The following CUX1 variants were observed in gnomAD, a reference collection of about 807,000 sequenced individuals.
The protein encoded by CUX1 is cut like homeobox 1, also known as protein CASP.
A neutral mutation model predicts 158.8 loss-of-function variants in CUX1; 31 were observed. That is an observed-to-expected ratio of 0.20 (90% CI 0.15 to 0.26). The LOEUF is 0.26. Ranked by LOEUF, CUX1 falls within the 10% of genes least tolerant of loss-of-function variation. The pLI is 1.00. For synonymous variants in CUX1, 879 were observed against 862.1 expected (o/e 1.02, Z -0.34); for missense variants, 1,589 against 2,014.6 (o/e 0.79, Z 4.04).
intron 1 of CUX1, among the ~76,000 whole-genome samples, chr7:101,859,248 A>G (rs1020676967): frequency 6.6e-6 from 1 of 152,184 alleles, no homozygotes; most frequent in African/African-American, 2.4e-5. Flanking sequence ...GCTGGGGGAG[A>G]GGCGGCTTAT....
At chr7:102,180,290 G>A (rs946055013) in intron 11 of CUX1, among the ~76,000 whole-genome samples, 1 of 151,440 alleles carries the variant, frequency 6.6e-6, no homozygotes, top group African/African-American at 2.4e-5. Flanking sequence ...CCAAAGTGCT[G>A]GGATTACAGG....
At chr7:102,064,382 A>C (rs1353103563) in intron 3 of CUX1, among the ~76,000 whole-genome samples, 1 of 152,202 alleles carries the variant, frequency 6.6e-6, no homozygotes, top group Non-Finnish European at 1.5e-5. Flanking sequence ...ACCTACCTCA[A>C]GCTAACGTGC....
chr7:102,248,397 C>T lies in CUX1; in HGVS notation c.3888-15C>T. 4.4e-6 allele frequency: 7 copies of T among 1,580,982 alleles called. No individual in the cohort carries two copies. Among genetic ancestry groups the T allele is most frequent in the Non-Finnish European group, 6.0e-6 (7 of 1,169,694 alleles). ...CAGCACCCCCCTCACGTCCCCGCCG[C>T]TTGTTGTCTTGTAGGTCTCGGATCC... On this transcript the variant is annotated splice_polypyrimidine_tract_variant and intron_variant, in intron 23 of 23. Coordinates refer to ENST00000292535, the MANE Select transcript of CUX1 (RefSeq NM_181552.4). This position sits in a 1 kb window ranked among gnomAD's most constrained non-coding sequence, Gnocchi z 5.8.
intron 2 of CUX1, among the ~76,000 whole-genome samples, chr7:102,016,591 G>A (rs753666260): frequency 1.3e-5 from 2 of 152,154 alleles, no homozygotes; most frequent in East Asian, 1.9e-4. Flanking sequence ...CAGCCTGGAC[G>A]ACAGAGCGAG....
At chr7:102,039,715 C>G (rs1459981400) in intron 3 of CUX1, among the ~76,000 whole-genome samples, 1 of 151,468 alleles carries the variant, frequency 6.6e-6, no homozygotes, top group African/African-American at 2.4e-5. Context: ...GCTCTGCAAA[C>G]CCTGCCTGAA....
At position 102,255,996 on chromosome 7, in the gene CUX1, T is replaced by G. The variant is rs1419540769; in HGVS notation, c.*6954T>G. On this transcript the variant is annotated 3_prime_UTR_variant, in exon 24 of 24. Transcript: ENST00000292535. The stretch of plus-strand genomic sequence containing the variant: ...AGCTTTAGACCAGGACGATTCAGGT[T>G]ATGAATGAGTTTGTTCACTGTAGTT... The G allele has an allele frequency of 1.0e-6, 1 of 985,468 alleles. No homozygotes were observed. Among genetic ancestry groups the G allele is most frequent in the East Asian group, 1.1e-4 (1 of 8,820 alleles). The allele number at this position is 985,468 out of a possible 1,614,324, so 61.0% of individuals were successfully genotyped here. A position where few individuals can be genotyped will look rare whatever the true frequency, so the allele number is the denominator to read the frequency against.
chr7:102,256,113 A>G lies in CUX1; in HGVS notation c.*7071A>G, dbSNP rs1789866829. On this transcript the variant is annotated 3_prime_UTR_variant, in exon 24 of 24. Transcript: ENST00000292535. The stretch of plus-strand genomic sequence containing the variant: ...TTGGTGACCACTGTGCTGGGCGTGC[A>G]GGGCCCGCGGGCTCTGGCCGGAGCC... 5 of 985,264 alleles carry G rather than the reference A, an allele frequency of 5.1e-6. No individual in the cohort carries two copies. Among genetic ancestry groups the G allele is most frequent in the Non-Finnish European group, 6.0e-6 (5 of 829,944 alleles). 61.0% of individuals were successfully genotyped at this position (985,264 alleles called of 1,614,324 possible). A position where few individuals can be genotyped will look rare whatever the true frequency, so the allele number is the denominator to read the frequency against.
At chr7:101,904,810 C>T (rs777782140) in intron 1 of CUX1, among the ~76,000 whole-genome samples, 14 of 152,142 alleles carry the variant, frequency 9.2e-5, no homozygotes, top group Non-Finnish European at 1.8e-4. Flanking sequence ...CTCAGGTGAT[C>T]CCCCTGCCTT....
Position 102,255,916 on chromosome 7 carries a change from C to A in CUX1, c.*6874C>A. The A allele has an allele frequency of 1.0e-6, 1 of 985,308 alleles. No individual in the cohort carries two copies. Among genetic ancestry groups the A allele is most frequent in the Non-Finnish European group, 1.2e-6 (1 of 829,864 alleles). 61.0% of individuals were successfully genotyped at this position (985,308 alleles called of 1,614,324 possible). A position where few individuals can be genotyped will look rare whatever the true frequency, so the allele number is the denominator to read the frequency against. ...TGTAAAAGCTCTGTGCAATTGAAAT[C>A]ATTTTTCTTCATTTTAAAAAAATAA... On this transcript the variant is annotated 3_prime_UTR_variant, in exon 24 of 24. Coordinates refer to ENST00000292535, the MANE Select transcript of CUX1 (RefSeq NM_181552.4).
chr7:102,096,882 T>C (rs1829252634), intron 4 of CUX1, among the ~76,000 whole-genome samples: 1 of 152,196 alleles, frequency 6.6e-6, no homozygotes, highest in Admixed American at 6.5e-5. Context: ...ACAATCTCCA[T>C]AAAGTGTCCC....
intron 9 of CUX1, among the ~76,000 whole-genome samples, chr7:102,166,357 T>G (rs1405072261): frequency 6.6e-6 from 1 of 152,164 alleles, no homozygotes; most frequent in African/African-American, 2.4e-5. Flanking sequence ...GCCGTTCTCA[T>G]GGTGGGGCAG....
rs1444393239 is a variant in CUX1 at position 102,249,454 on chromosome 7, T to A, written c.*412T>A. The A allele has an allele frequency of 1.0e-6, 1 of 986,136 alleles. No individual in the cohort carries two copies. The highest frequency in any genetic ancestry group is 1.7e-5 in the African/African-American group (1 of 57,276). 61.1% of individuals were successfully genotyped at this position (986,136 alleles called of 1,614,324 possible). A position where few individuals can be genotyped will look rare whatever the true frequency, so the allele number is the denominator to read the frequency against. ...GTTTTCAAGGAAGAAAACGGAAATGTGTGGTCGAGCTTTTTTGTACCCTGA... is the reference window on the plus strand; with the variant it reads ...GTTTTCAAGGAAGAAAACGGAAATGAGTGGTCGAGCTTTTTTGTACCCTGA... On this transcript the variant is annotated 3_prime_UTR_variant, in exon 24 of 24. Coordinates refer to ENST00000292535, the MANE Select transcript of CUX1 (RefSeq NM_181552.4).
At chr7:101,963,347 G>A (rs961954411) in intron 2 of CUX1, among the ~76,000 whole-genome samples, 2 of 152,164 alleles carry the variant, frequency 1.3e-5, no homozygotes, top group Non-Finnish European at 2.9e-5. Flanking sequence ...TATTCCATGC[G>A]CGACCACGGT....
chr7:102,000,226 A>AG (rs1554447128), intron 2 of CUX1, among the ~76,000 whole-genome samples: 2 of 150,652 alleles, frequency 1.3e-5, no homozygotes, highest in East Asian at 2.0e-4. Flanking sequence ...CAAAAAAAAA[A>AG]AGAGAGAGAG....
chr7:102,077,674 G>A (rs1278426722), intron 4 of CUX1, among the ~76,000 whole-genome samples: 1 of 152,008 alleles, frequency 6.6e-6, no homozygotes. Context: ...GTCCCTTACT[G>A]TAATGAAATG....
chr7:102,260,570 C>CTTTTTTTTTTT (rs55642237), downstream of CUX1, among the ~76,000 whole-genome samples: 192 of 51,072 alleles, frequency 3.8e-3, no homozygotes, highest in Non-Finnish European at 4.0e-3. Context: ...CCACACCTGG[C>CTTTTTTTTTTT]TTTTTTTTTT....
Position 101,896,895 on chromosome 7 carries a change from T to A in CUX1, c.31-19220T>A, listed in dbSNP as rs192311568. Among the ~76,000 whole-genome samples, 9 of 152,292 alleles carry A rather than the reference T, an allele frequency of 5.9e-5. No homozygotes were observed. In the East Asian group the frequency reaches 1.7e-3, roughly 29 times the overall value. On this transcript the variant is annotated intron_variant, in intron 1 of 23. Transcript: ENST00000292535. ...ATTTAGAGACGCACTCCCAGTAAGT[T>A]CTTACGAGCAGTCAGTATTATCCTT...
At chr7:102,179,897 G>A (rs1339228833) in intron 11 of CUX1, among the ~76,000 whole-genome samples, 1 of 152,204 alleles carries the variant, frequency 6.6e-6, no homozygotes, top group Non-Finnish European at 1.5e-5. Context: ...GGGAATGAGT[G>A]GCTGTAAAGT....
chr7:102,157,552 G>T (rs1346678713), intron 8 of CUX1, among the ~76,000 whole-genome samples: 3 of 152,184 alleles, frequency 2.0e-5, no homozygotes, highest in African/African-American at 7.2e-5. Context: ...GGCCAAGGTG[G>T]GTGGATTACC....
Sources: allele counts gnomAD v4.1 joint callset (sites outside exome capture counted in the v4.1 genomes callset), GRCh38; gene constraint gnomAD v4.1.1; non-coding constraint Gnocchi (gnomAD v3.1); transcripts MANE v1.5; gene names NCBI Gene and HGNC (gene_info 2026-07-23, HGNC 2026-07-21).